The following RGS7 variants were observed in gnomAD, a reference collection of about 807,000 sequenced individuals.
The protein encoded by RGS7 is regulator of G-protein signaling 7.
Under a neutral mutation model 81.1 loss-of-function variants are expected in RGS7, and 27 were observed. The observed-to-expected ratio is 0.33, with a 90% CI of 0.25 to 0.46. The LOEUF is 0.46. RGS7 is among the 20% of genes least tolerant of loss of function. The pLI is 1.00. For synonymous variants in RGS7, 208 were observed against 207.7 expected (o/e 1.00, Z -0.01); for missense variants, 396 against 607.4 (o/e 0.65, Z 3.66).
chr1:241,354,999 C>T (rs2083467461), intron 2 of RGS7, among the ~76,000 whole-genome samples: 1 of 152,128 alleles, frequency 6.6e-6, no homozygotes, highest in Non-Finnish European at 1.5e-5. Flanking sequence ...TATGGTTGCT[C>T]AGTGTCTAAA....
intron 2 of RGS7, among the ~76,000 whole-genome samples, chr1:241,106,976 T>C (rs955627417): frequency 6.6e-6 from 1 of 151,708 alleles, no homozygotes; most frequent in African/African-American, 2.4e-5. Context: ...AACAGATAAA[T>C]AAACAATTAT....
At chr1:241,103,850 C>G (rs1006058) in intron 2 of RGS7, among the ~76,000 whole-genome samples, 59,899 of 152,044 alleles carry the variant, frequency 0.39, 14,959 homozygotes, top group African/African-American at 0.71. Context: ...CTCCAGCTTG[C>G]GCTACAGAAT....
intron 5 of RGS7, among the ~76,000 whole-genome samples, chr1:240,933,703 C>A (rs1676103699): frequency 6.6e-6 from 1 of 151,950 alleles, no homozygotes; most frequent in Non-Finnish European, 1.5e-5. Flanking sequence ...TCATCCAAAA[C>A]TGTTCAACTG....
chr1:240,944,282 G>GTGTGTATATA (rs1352421845), intron 4 of RGS7, among the ~76,000 whole-genome samples: 3 of 55,820 alleles, frequency 5.4e-5, no homozygotes, highest in South Asian at 7.3e-4. Context: ...GTGTGTGTGT[G>GTGTGTATATA]TATATATATA....
chr1:241,272,211 T>G (rs963405706), intron 2 of RGS7, among the ~76,000 whole-genome samples: 14 of 152,146 alleles, frequency 9.2e-5, no homozygotes, highest in African/African-American at 3.1e-4. Context: ...GCCAGGGTGG[T>G]CTTGATCTCC....
At chr1:241,114,467 A>G (rs886307301) in intron 2 of RGS7, among the ~76,000 whole-genome samples, 2 of 151,870 alleles carry the variant, frequency 1.3e-5, no homozygotes, top group African/African-American at 4.8e-5. Context: ...CTTTGTTTTC[A>G]TTTTGGTGAC....
intron 4 of RGS7, among the ~76,000 whole-genome samples, chr1:240,981,332 G>A (rs890624091): frequency 6.6e-6 from 1 of 151,984 alleles, no homozygotes; most frequent in East Asian, 1.9e-4. Context: ...GGCTGGTCTC[G>A]AACTCCTGAG....
chr1:240,895,750 A>G, intron 6 of RGS7, among the ~76,000 whole-genome samples: 1 of 152,170 alleles, frequency 6.6e-6, no homozygotes, highest in Middle Eastern at 3.2e-3. Context: ...ATAAACGTAC[A>G]TGTGCATGTG....
intron 2 of RGS7, among the ~76,000 whole-genome samples, chr1:241,257,918 T>C (rs538963020): frequency 1.3e-5 from 2 of 152,290 alleles, no homozygotes; most frequent in African/African-American, 4.8e-5. Context: ...TTAAAATCTA[T>C]AACACAATGC....
chr1:241,063,368 C>T (rs2061847322), intron 3 of RGS7, among the ~76,000 whole-genome samples: 1 of 152,138 alleles, frequency 6.6e-6, no homozygotes, highest in Admixed American at 6.5e-5. Context: ...ACTCAATAGT[C>T]TCCTCTAAAA....
Position 240,868,504 on chromosome 1 carries a change from C to T in RGS7, c.609+83G>A. ...GGAGCGTGCATGGGGTCACTACAGT[C>T]TTTCACTTACTTTGGCAGGGCACCC... On this transcript the variant is annotated intron_variant, in intron 9 of 18. Transcript: ENST00000440928. This position sits in a 1 kb window ranked among gnomAD's most constrained non-coding sequence, Gnocchi z 5.1. 2.5e-6 allele frequency: 3 copies of T among 1,185,930 alleles called. No homozygotes were observed. The South Asian group carries it at 3.6e-5, about 14-fold the overall frequency. 73.5% of individuals were successfully genotyped at this position (1,185,930 alleles called of 1,614,324 possible).
intron 4 of RGS7, among the ~76,000 whole-genome samples, chr1:240,965,872 C>T (rs551518645): frequency 1.3e-5 from 2 of 152,264 alleles, no homozygotes; most frequent in African/African-American, 2.4e-5. Context: ...GTTAGTAAAT[C>T]GGGCACATTC....
At chr1:241,175,123 C>T (rs150423193) in intron 2 of RGS7, among the ~76,000 whole-genome samples, 2 of 151,870 alleles carry the variant, frequency 1.3e-5, no homozygotes, top group African/African-American at 2.4e-5. Context: ...AGGCTGGTCT[C>T]GAATGCCTGA....
Position 241,261,196 on chromosome 1 carries a change from G to C in RGS7, c.78+94503C>G, listed in dbSNP as rs147721088. Among the ~76,000 whole-genome samples, 772 of 152,258 alleles carry C rather than the reference G, an allele frequency of 5.1e-3. 8 individuals are homozygous for C. The highest frequency in any genetic ancestry group is 0.018 in the African/African-American group (753 of 41,556). ...GTTCTCACAGATTAGGACAGGCACT[G>C]GGGAAGAGGGCCCTGCTGGTGCCTC... On this transcript the variant is annotated intron_variant, in intron 2 of 18. Coordinates refer to ENST00000440928, the MANE Select transcript of RGS7 (RefSeq NM_001364886.1).
chr1:241,259,650 CA>C lies in RGS7; in HGVS notation c.78+96048del, dbSNP rs71571832. Among the ~76,000 whole-genome samples the C allele has an allele frequency of 1.8e-3, 72 of 39,904 alleles. 5 individuals carry two copies. Among genetic ancestry groups the C allele is most frequent in the Admixed American group, 9.3e-3 (18 of 1,936 alleles). The allele number at this position is 39,904 out of a possible 152,430, so 26.2% of individuals were successfully genotyped here. A position where few individuals can be genotyped will look rare whatever the true frequency, so the allele number is the denominator to read the frequency against. ...GGACAACAAGAGCGAAACTCCGTCT[CA>C]AAAAAAAAAAAAAAAAATATATATA... On this transcript the variant is annotated intron_variant, in intron 2 of 18. Coordinates refer to ENST00000440928, the MANE Select transcript of RGS7 (RefSeq NM_001364886.1).
chr1:240,881,126 T>C (rs1432175095), intron 6 of RGS7, among the ~76,000 whole-genome samples: 1 of 152,194 alleles, frequency 6.6e-6, no homozygotes, highest in Non-Finnish European at 1.5e-5. Flanking sequence ...AAAAGATAAT[T>C]ATGTTCTTTA....
intron 3 of RGS7, among the ~76,000 whole-genome samples, chr1:241,069,586 T>A (rs2062305386): frequency 6.6e-6 from 1 of 152,214 alleles, no homozygotes. Context: ...GATAGTAGTA[T>A]AACACGCTTC....
chr1:240,803,630 A>C (rs1455751669), intron 15 of RGS7, among the ~76,000 whole-genome samples: 2 of 152,022 alleles, frequency 1.3e-5, no homozygotes, highest in Non-Finnish European at 2.9e-5. Flanking sequence ...AGAAGTTTGC[A>C]ATATTCTGTT....
intron 3 of RGS7, among the ~76,000 whole-genome samples, chr1:241,044,236 C>T (rs2060789441): frequency 6.6e-6 from 1 of 151,522 alleles, no homozygotes; most frequent in East Asian, 1.9e-4. Context: ...CCTCAGCCTC[C>T]CAAATAGCTG....
Sources: allele counts gnomAD v4.1 joint callset (sites outside exome capture counted in the v4.1 genomes callset), GRCh38; gene constraint gnomAD v4.1.1; non-coding constraint Gnocchi (gnomAD v3.1); transcripts MANE v1.5; gene names NCBI Gene and HGNC (gene_info 2026-07-23, HGNC 2026-07-21).